Variants in ROCK1 observed in about 807,000 individuals in gnomAD.
ROCK1 encodes the protein rho-associated protein kinase 1.
A neutral mutation model predicts 196.8 loss-of-function variants in ROCK1; 36 were observed. That is an observed-to-expected ratio of 0.18 (90% CI 0.14 to 0.24). The LOEUF (loss-of-function observed/expected upper bound fraction) is 0.24. Ranked by LOEUF, ROCK1 falls within the 10% of genes least tolerant of loss-of-function variation. The pLI is 1.00. For synonymous variants in ROCK1, 443 were observed against 515.9 expected (o/e 0.86, Z 1.91); for missense variants, 920 against 1,562.0 (o/e 0.59, Z 6.93).
At chr18:20,959,093 A>ATAATATT (rs1568367385) in intron 29 of ROCK1, among the ~76,000 whole-genome samples, 1 of 32,408 alleles carries the variant, frequency 3.1e-5, no homozygotes, top group African/African-American at 1.9e-4. Context: ...TATTTTATAT[A>ATAATATT]ATATATATAT....
intron 13 of ROCK1, among the ~76,000 whole-genome samples, chr18:21,011,978 G>C (rs2035822195): frequency 6.6e-6 from 1 of 151,030 alleles, no homozygotes; most frequent in South Asian, 2.1e-4. Flanking sequence ...GAGTCTTGCT[G>C]TGTCACCCAG....
chr18:21,035,239 T>C (rs544606938), intron 9 of ROCK1, among the ~76,000 whole-genome samples: 3 of 152,344 alleles, frequency 2.0e-5, no homozygotes, highest in Admixed American at 2.0e-4. Context: ...TTATGGCGTT[T>C]CCTCAAAAAA....
intron 22 of ROCK1, among the ~76,000 whole-genome samples, chr18:20,972,769 G>A (rs1281729870): frequency 1.3e-5 from 2 of 152,202 alleles, no homozygotes; most frequent in Non-Finnish European, 2.9e-5. Context: ...GCAAAAGTAT[G>A]ACTGGAGTGA....
chr18:20,997,094 T>C (rs1294688189), intron 16 of ROCK1, among the ~76,000 whole-genome samples: 3 of 152,322 alleles, frequency 2.0e-5, no homozygotes, highest in African/African-American at 7.2e-5. Flanking sequence ...AGTATGTCCC[T>C]ACTTATTAAC....
chr18:21,061,017 A>G (rs1302573059), intron 2 of ROCK1, among the ~76,000 whole-genome samples: 2 of 152,016 alleles, frequency 1.3e-5, no homozygotes, highest in African/African-American at 4.8e-5. Context: ...AATTTAGGGG[A>G]AAAAAGGAAA....
intron 14 of ROCK1, 115 bp downstream of exon 14, chr18:21,007,944 C>T (rs1174638330): frequency 1.1e-5 from 6 of 551,308 alleles, no homozygotes; most frequent in Non-Finnish European, 1.7e-5. Context: ...GGTTATTTAG[C>T]TTATAAAGTG....
intron 5 of ROCK1, 144 bp from the exon 6 acceptor site, chr18:21,044,330 A>C: frequency 4.5e-6 from 2 of 449,076 alleles, no homozygotes. Flanking sequence ...CCACATCTAT[A>C]AATTAAATTT....
intron 6 of ROCK1, among the ~76,000 whole-genome samples, chr18:21,043,455 T>C (rs1441561042): frequency 6.6e-6 from 1 of 151,542 alleles, no homozygotes; most frequent in Non-Finnish European, 1.5e-5. Context: ...ACTGTGTATA[T>C]GAAGTGAAGG....
At chr18:21,016,440 A>G (rs1437451962) in intron 12 of ROCK1, among the ~76,000 whole-genome samples, 3 of 152,212 alleles carry the variant, frequency 2.0e-5, no homozygotes, top group Admixed American at 6.5e-5. Flanking sequence ...TAAAGTAAAC[A>G]AAGAGAAAGG....
intron 16 of ROCK1, among the ~76,000 whole-genome samples, chr18:20,994,509 T>C (rs1178319193): frequency 6.6e-6 from 1 of 152,094 alleles, no homozygotes; most frequent in Admixed American, 6.6e-5. Context: ...AAGTCTATAG[T>C]CCCAGCTACT....
chr18:20,970,606 G>A (rs1358211828), intron 22 of ROCK1, 93 bp from the exon 23 acceptor site: 15 of 794,042 alleles, frequency 1.9e-5, no homozygotes, highest in Non-Finnish European at 2.7e-5. Flanking sequence ...AACTTTAAAT[G>A]ATAAAAAGAA....
At chr18:20,984,214 C>A (rs979559157) in intron 20 of ROCK1, 137 bp downstream of exon 20, 92 of 652,390 alleles carry the variant, frequency 1.4e-4, no homozygotes, top group Admixed American at 1.2e-3. Context: ...CAAGTAAATT[C>A]TTTTACTTCT....
chr18:21,064,362 C>A (rs756093992), intron 2 of ROCK1, among the ~76,000 whole-genome samples: 1 of 151,272 alleles, frequency 6.6e-6, no homozygotes, highest in African/African-American at 2.5e-5. Context: ...CTTTTGGAAG[C>A]CTTTCTTTAC....
intron 16 of ROCK1, among the ~76,000 whole-genome samples, chr18:21,002,340 A>G (rs569355946): frequency 1.3e-5 from 2 of 152,332 alleles, no homozygotes; most frequent in South Asian, 4.1e-4. Context: ...CTAAACTTAA[A>G]GAATTCCTAC....
intron 13 of ROCK1, among the ~76,000 whole-genome samples, chr18:21,013,030 G>A (rs1205229497): frequency 6.6e-6 from 1 of 152,014 alleles, no homozygotes; most frequent in Non-Finnish European, 1.5e-5. Context: ...GTTTACAGTT[G>A]CTCACTGAAA....
intron 22 of ROCK1, among the ~76,000 whole-genome samples, chr18:20,977,983 AC>A (rs1250436229): frequency 6.6e-6 from 1 of 152,206 alleles, no homozygotes; most frequent in Non-Finnish European, 1.5e-5. Flanking sequence ...GTATGTTTAT[AC>A]CCGCTGTGAT....
At chr18:21,014,502 ACTT>A (rs1462210413) in intron 13 of ROCK1, among the ~76,000 whole-genome samples, 1 of 152,206 alleles carries the variant, frequency 6.6e-6, no homozygotes, top group Non-Finnish European at 1.5e-5. Flanking sequence ...TTCCCTCTCT[ACTT>A]CTAATTTGGA....
intron 18 of ROCK1, among the ~76,000 whole-genome samples, chr18:20,988,452 T>A (rs568999952): frequency 6.6e-6 from 1 of 152,178 alleles, no homozygotes; most frequent in East Asian, 1.9e-4. Context: ...AGCGTATAGC[T>A]TTCTAACTGA....
At chr18:21,050,394 T>C (rs1309907506) in intron 2 of ROCK1, among the ~76,000 whole-genome samples, 1 of 151,522 alleles carries the variant, frequency 6.6e-6, no homozygotes, top group African/African-American at 2.4e-5. Context: ...TTAATACTTA[T>C]AGCATTACAT....
Sources: gnomAD v4.1 joint callset for allele counts (sites outside exome capture counted in the v4.1 genomes callset) on GRCh38, gnomAD v4.1.1 for gene constraint, MANE v1.5 for transcripts, NCBI Gene and HGNC (gene_info 2026-07-23, HGNC 2026-07-21) for gene names.